ZNF774: variants seen among roughly 807,000 people sequenced by gnomAD.
ZNF774 encodes zinc finger protein 774.
ZNF774 carries 14 observed loss-of-function variants against 11.1 expected under a neutral mutation model. The ratio of observed to expected loss-of-function variants is 1.26; its 90% CI spans 0.83 to 1.97. The LOEUF is 1.97. Among genes scored for constraint, ZNF774 ranks in the 30% most tolerant of loss-of-function variants. The pLI, the probability that ZNF774 is intolerant of heterozygous loss-of-function variation, is 0.00. For missense variants in ZNF774, 599 were observed against 587.0 expected (o/e 1.02, Z -0.21); for synonymous variants, 195 against 212.6 (o/e 0.92, Z 0.72).
chr15:90,361,327 T>C lies in ZNF774; in HGVS notation c.*44T>C. The C allele has an allele frequency of 6.5e-7, 1 of 1,535,830 alleles. No individual in the cohort carries two copies. The highest frequency in any genetic ancestry group is 8.7e-7 in the Non-Finnish European group (1 of 1,145,718). The stretch of plus-strand genomic sequence containing the variant: ...CAGCTGCTCCCTTGCACATTTTCAT[T>C]GCTACTGTCTTCAAGCACCCCAAAT... On this transcript the variant is annotated 3_prime_UTR_variant, in exon 4 of 4. Transcript: ENST00000354377.
chr15:90,359,352 G>A (rs1218385195), intron 3 of ZNF774, among the ~76,000 whole-genome samples: 3 of 151,956 alleles, frequency 2.0e-5, no homozygotes, highest in Non-Finnish European at 2.9e-5. Flanking sequence ...GATTACAGGC[G>A]TGAGCCACCG....
intron 2 of ZNF774, among the ~76,000 whole-genome samples, chr15:90,358,185 C>T (rs1964274039): frequency 6.6e-6 from 1 of 152,140 alleles, no homozygotes; most frequent in Admixed American, 6.6e-5. Context: ...TGAGCCTGGC[C>T]TCTTATCCCT....
In ZNF774 at chr15:90,360,784, C is replaced by T; in HGVS notation, c.953C>T (p.Pro318Leu). 1.9e-6 allele frequency: 3 copies of T among 1,614,166 alleles called. No individual in the cohort carries two copies. The highest frequency in any genetic ancestry group is 2.5e-6 in the Non-Finnish European group (3 of 1,180,034). The change falls in exon 4 of 4, where the codon CCC becomes CTC. Residue 318 changes from proline to leucine, a missense_variant. Pro to Leu is a moderately conservative substitution (Grantham distance 98, BLOSUM62 -3). Transcript: ENST00000354377. The stretch of plus-strand genomic sequence containing the variant: ...CAACGAACCCACACGGGAGAACGGC[C>T]CTTCAAATGCCCGGAGTGCGGGAAG... ...KHQRTHTGERPFKCPECGKGF... is the reference protein window; with the variant it reads ...KHQRTHTGERLFKCPECGKGF...
intron 2 of ZNF774, 73 bp downstream of exon 2, chr15:90,354,837 C>A: frequency 7.8e-7 from 1 of 1,277,116 alleles, no homozygotes; most frequent in Non-Finnish European, 1.1e-6. Flanking sequence ...CTCTGTCATC[C>A]AGGCTGGAGT....
intron 2 of ZNF774, 140 bp downstream of exon 2, chr15:90,354,904 C>T: frequency 2.8e-6 from 2 of 715,610 alleles, no homozygotes. Flanking sequence ...AAGCGATTCT[C>T]CCACCTCAAC....
chr15:90,359,707 G>A (rs1195155768), intron 3 of ZNF774, among the ~76,000 whole-genome samples: 3 of 151,900 alleles, frequency 2.0e-5, no homozygotes, highest in South Asian at 4.1e-4. Flanking sequence ...TGCCTGCCTC[G>A]GCCTCCCGAA....
At chr15:90,356,034 A>T (rs545796976) in intron 2 of ZNF774, among the ~76,000 whole-genome samples, 20,880 of 135,940 alleles carry the variant, frequency 0.15, 2,416 homozygotes, top group East Asian at 0.52. Context: ...TCTCAAAAAA[A>T]AAAAAATAAA....
intron 2 of ZNF774, chr15:90,355,353 T>C (rs898910139): frequency 2.2e-6 from 1 of 455,982 alleles, no homozygotes; most frequent in Non-Finnish European, 4.4e-6. Flanking sequence ...TTTTCCAGCC[T>C]GGGTTGGACT....
intron 2 of ZNF774, among the ~76,000 whole-genome samples, chr15:90,358,541 TA>T (rs1192278006): frequency 5.9e-5 from 9 of 152,240 alleles, no homozygotes; most frequent in African/African-American, 2.2e-4. Context: ...TGGTTTCTGA[TA>T]AAATCCTCTC....
chr15:90,355,266 G>A, intron 2 of ZNF774: 1 of 455,822 alleles, frequency 2.2e-6, no homozygotes, highest in South Asian at 1.5e-5. Flanking sequence ...GCATTTTATG[G>A]TTTGCAAATG....
At chr15:90,356,130 T>A (rs1387342735) in intron 2 of ZNF774, among the ~76,000 whole-genome samples, 4 of 150,900 alleles carry the variant, frequency 2.7e-5, no homozygotes, top group Non-Finnish European at 5.9e-5. Flanking sequence ...TTTCTTTTTT[T>A]TTTTTTGTGG....
At position 90,358,881 on chromosome 15, in the gene ZNF774, G is replaced by C. The variant is rs145841363; in HGVS notation, c.135G>C (p.Pro45=). ...CCAGGCCTAGTGTAATCTCCCAGCC[G>C]GAGCAGAAAGAAGAGCCATGGGTCC... ...GISRPSVISQ[P]EQKEEPWVLP... The change falls in exon 3 of 4, where the codon CCG becomes CCC. Residue 45 remains proline, a synonymous_variant. Coordinates refer to ENST00000354377, the MANE Select transcript of ZNF774 (RefSeq NM_001004309.3). 3 of 1,612,894 alleles carry C rather than the reference G, an allele frequency of 1.9e-6. No individual in the cohort carries two copies. The highest frequency in any genetic ancestry group is 1.1e-5 in the South Asian group (1 of 91,066).
chr15:90,355,395 T>C (rs1176257360), intron 2 of ZNF774: 6 of 455,926 alleles, frequency 1.3e-5, no homozygotes, highest in South Asian at 6.2e-5. Flanking sequence ...CTGAGACTTC[T>C]GAGGTCTTTG....
In ZNF774 at chr15:90,360,108, T is replaced by A. The variant is rs188892735; in HGVS notation, c.277T>A (p.Ser93Thr). The part of the protein sequence containing the change: ...NSETAEQCGT[S>T]SERTNKDLSH... The stretch of plus-strand genomic sequence containing the variant: ...TGAAACAGCAGAACAATGTGGAACA[T>A]CCTCAGAAAGGACCAATAAAGATCT... Residue 93 changes from serine to threonine, a missense_variant, in exon 4 of 4, where the codon TCC becomes ACC. Physicochemically the swap from Ser to Thr is moderately conservative, Grantham distance 58 (BLOSUM62 1). Transcript: ENST00000354377. 7.4e-6 allele frequency: 12 copies of A among 1,614,142 alleles called. No individual in the cohort carries two copies. The Admixed American group carries it at 8.3e-5, about 11-fold the overall frequency.
intron 2 of ZNF774, among the ~76,000 whole-genome samples, chr15:90,356,432 A>G (rs1246951273): frequency 6.6e-6 from 1 of 152,038 alleles, no homozygotes; most frequent in East Asian, 1.9e-4. Flanking sequence ...CCTGACCTCA[A>G]GTGATCCGCT....
At position 90,360,634 on chromosome 15, in the gene ZNF774, G is replaced by T. The variant is rs1477006288; in HGVS notation, c.803G>T (p.Cys268Phe). 1 of 1,614,098 alleles carries T rather than the reference G, an allele frequency of 6.2e-7. No individual in the cohort carries two copies. Among genetic ancestry groups the T allele is most frequent in the African/African-American group, 1.3e-5 (1 of 74,930 alleles). Reference sequence around the variant, plus strand: ...GAGAAGCCCTACGCGTGCCTGGAATGTCACAAAAGCTTCAGTCGAAGCTCA... The same window carrying T: ...GAGAAGCCCTACGCGTGCCTGGAATTTCACAAAAGCTTCAGTCGAAGCTCA... ...TGEKPYACLE[C>F]HKSFSRSSNF... The change falls in exon 4 of 4, where the codon TGT becomes TTT. Residue 268 changes from cysteine (C) to phenylalanine (F), a missense_variant. Coordinates refer to ENST00000354377, the MANE Select transcript of ZNF774 (RefSeq NM_001004309.3).
intron 2 of ZNF774, among the ~76,000 whole-genome samples, chr15:90,358,398 A>G (rs1416800674): frequency 6.6e-6 from 1 of 152,166 alleles, no homozygotes; most frequent in Non-Finnish European, 1.5e-5. Flanking sequence ...TTTTTCGTAT[A>G]TTTACAGGCT....
chr15:90,359,284 G>C (rs2151682513), intron 3 of ZNF774, among the ~76,000 whole-genome samples: 1 of 150,664 alleles, frequency 6.6e-6, no homozygotes, highest in East Asian at 2.0e-4. Context: ...TTGTTAGCCA[G>C]GATGGTCTCG....
intron 2 of ZNF774, among the ~76,000 whole-genome samples, chr15:90,355,682 C>T (rs1297455630): frequency 7.9e-6 from 1 of 126,524 alleles, no homozygotes; most frequent in African/African-American, 3.2e-5. Flanking sequence ...GAGACCACGC[C>T]ATTGCACTCC....
Sources: allele counts gnomAD v4.1 joint callset (sites outside exome capture counted in the v4.1 genomes callset), GRCh38; gene constraint gnomAD v4.1.1; transcripts MANE v1.5; gene names NCBI Gene and HGNC (gene_info 2026-07-23, HGNC 2026-07-21).